SLC47A1: variants seen among roughly 807,000 people sequenced by gnomAD.
The protein encoded by SLC47A1 is solute carrier family 47 member 1.
SLC47A1 carries 58 observed loss-of-function variants against 65.8 expected under a neutral mutation model. The ratio of observed to expected loss-of-function variants is 0.88; its 90% CI spans 0.71 to 1.10. SLC47A1 has a LOEUF of 1.10. Ranked by LOEUF, SLC47A1 falls within the 50% of genes least tolerant of loss-of-function variation. SLC47A1 has a pLI of 0.00. For synonymous variants in SLC47A1, 285 were observed against 295.0 expected, an observed-to-expected ratio of 0.97 and a Z score of 0.35; for missense variants, 706 against 719.2, an observed-to-expected ratio of 0.98 and a Z score of 0.21.
intron 10 of SLC47A1, among the ~76,000 whole-genome samples, chr17:19,558,470 A>AT (rs112762519): frequency 7.4e-4 from 106 of 144,112 alleles, no homozygotes; most frequent in African/African-American, 1.3e-3. Context: ...TATTTTACTT[A>AT]TTTTTTTTTT....
chr17:19,556,719 C>T (rs1916625271), intron 10 of SLC47A1, among the ~76,000 whole-genome samples: 1 of 152,040 alleles, frequency 6.6e-6, no homozygotes, highest in Non-Finnish European at 1.5e-5. Flanking sequence ...CCACCACGCC[C>T]AGCTAATTTT....
intron 2 of SLC47A1, among the ~76,000 whole-genome samples, chr17:19,544,794 A>G (rs1280795578): frequency 6.6e-6 from 1 of 152,192 alleles, no homozygotes; most frequent in Non-Finnish European, 1.5e-5. Flanking sequence ...TGACTTTTTA[A>G]AAGAGAAAGC....
At chr17:19,546,365 T>C in intron 2 of SLC47A1, 70 bp from the exon 3 acceptor site, 9 of 1,493,648 alleles carry the variant, frequency 6.0e-6, no homozygotes, top group Non-Finnish European at 8.3e-6. Flanking sequence ...CTCTTATCAA[T>C]ACACACAGGG....
intron 2 of SLC47A1, among the ~76,000 whole-genome samples, chr17:19,545,478 C>T (rs1916262385): frequency 1.3e-5 from 2 of 151,762 alleles, no homozygotes; most frequent in African/African-American, 4.8e-5. Flanking sequence ...AGGCGTGAGC[C>T]ACTATGCTCG....
intron 1 of SLC47A1, among the ~76,000 whole-genome samples, chr17:19,536,403 TG>T (rs1470266598): frequency 3.9e-5 from 6 of 152,140 alleles, no homozygotes; most frequent in African/African-American, 1.4e-4. Flanking sequence ...CTTTTCTCTT[TG>T]TATGTACATA....
intron 12 of SLC47A1, among the ~76,000 whole-genome samples, chr17:19,561,560 G>A (rs989666570): frequency 2.0e-5 from 3 of 150,122 alleles, no homozygotes; most frequent in East Asian, 2.0e-4. Flanking sequence ...GGAGAATGGC[G>A]TGAACCCGGG....
In SLC47A1 at chr17:19,560,264, G is replaced by A. The variant is rs758044735; in HGVS notation, c.998G>A (p.Arg333Gln). 14 of 1,613,836 alleles carry A rather than the reference G, an allele frequency of 8.7e-6. No homozygotes were observed. The highest frequency in any genetic ancestry group is 2.2e-5 in the South Asian group (2 of 91,020). The change falls in exon 11 of 17, where the codon CGG becomes CAG. Residue 333 changes from arginine (R) to glutamine (Q), a missense_variant. Physicochemically the swap from Arg to Gln is conservative, Grantham distance 43. Transcript: ENST00000270570. ...GGTGCTGGAGACATGGAGCAGGCACGGAAGTCCTCTACCGTTTCCCTGCTG... is the reference window on the plus strand; with the variant it reads ...GGTGCTGGAGACATGGAGCAGGCACAGAAGTCCTCTACCGTTTCCCTGCTG... ...ALGAGDMEQA[R>Q]KSSTVSLLIT... is the part of the protein sequence containing the mutation.
chr17:19,565,577 CTTTTTT>C (rs11362429), intron 12 of SLC47A1, among the ~76,000 whole-genome samples: 1 of 95,548 alleles, frequency 1.0e-5, no homozygotes, highest in African/African-American at 4.2e-5. Flanking sequence ...GTCTGAAAAT[CTTTTTT>C]TTTTTTTTTT....
At chr17:19,548,604 A>G (rs1320634818) in intron 4 of SLC47A1, among the ~76,000 whole-genome samples, 2 of 151,226 alleles carry the variant, frequency 1.3e-5, no homozygotes, top group Non-Finnish European at 2.9e-5. Flanking sequence ...GGTTCAAGCA[A>G]TTCTCCTGCC....
chr17:19,547,255 G>C (rs904253307), intron 3 of SLC47A1, among the ~76,000 whole-genome samples: 3 of 151,916 alleles, frequency 2.0e-5, no homozygotes, highest in Non-Finnish European at 4.4e-5. Context: ...TGTTGCACAG[G>C]CTGGTCTCGA....
chr17:19,569,239 G>C (rs746449915), intron 14 of SLC47A1, among the ~76,000 whole-genome samples: 7 of 151,936 alleles, frequency 4.6e-5, no homozygotes, highest in Non-Finnish European at 8.8e-5. Context: ...AGGTGTGGTG[G>C]TGTGCGCCTG....
At position 19,567,108 on chromosome 17, in the gene SLC47A1, G is replaced by A. The variant is rs764961748; in HGVS notation, c.1189G>A (p.Gly397Ser). ...TCTCTGCCTGCAGTGCACGAGTGGT[G>A]GTGTTCTGAGGGGGAGTGGAAATCA... ...LFEALACTSG[G>S]VLRGSGNQKV... The change falls in exon 14 of 17, where the codon GGT (glycine) becomes AGT (serine). Residue 397 changes from glycine (G) to serine (S), a missense_variant. Physicochemically the swap from Gly to Ser is moderately conservative, Grantham distance 56 (BLOSUM62 0). Coordinates refer to ENST00000270570, the MANE Select transcript of SLC47A1 (RefSeq NM_018242.3). 3.1e-6 allele frequency: 5 copies of A among 1,614,032 alleles called. No individual in the cohort carries two copies. Among genetic ancestry groups the A allele is most frequent in the Non-Finnish European group, 4.2e-6 (5 of 1,180,028 alleles).
At chr17:19,567,339 C>T (rs2152316757) in intron 14 of SLC47A1, 111 bp downstream of exon 14, 1 of 1,469,018 alleles carries the variant, frequency 6.8e-7, no homozygotes, top group South Asian at 1.2e-5. Flanking sequence ...GGGAGCTCGC[C>T]CACGTCCATT....
chr17:19,551,502 A>G (rs1916447183), intron 6 of SLC47A1, 34 bp downstream of exon 6: 2 of 1,590,790 alleles, frequency 1.3e-6, no homozygotes, highest in South Asian at 2.2e-5. Flanking sequence ...TTGGGAGGCT[A>G]ATGGGAGTTT....
intron 1 of SLC47A1, among the ~76,000 whole-genome samples, chr17:19,536,632 G>T (rs1915995205): frequency 6.6e-6 from 1 of 152,134 alleles, no homozygotes; most frequent in Non-Finnish European, 1.5e-5. Flanking sequence ...AAGTGTATGT[G>T]GACCGGCCTG....
intron 15 of SLC47A1, 146 bp from the exon 16 acceptor site, chr17:19,572,634 T>C: frequency 1.4e-6 from 1 of 712,084 alleles, no homozygotes; most frequent in Non-Finnish European, 2.5e-6. Context: ...TTTCAATCTT[T>C]ATGAAAGATG....
At position 19,551,365 on chromosome 17, in the gene SLC47A1, C is replaced by A. The variant is rs532617144; in HGVS notation, c.499-59C>A. On this transcript the variant is annotated intron_variant, in intron 5 of 16. Transcript: ENST00000270570. ...TGGCTCCTAGCTCCCTGCCGTGTGA[C>A]CTCACTTCTGTGTGGCAAGGCTGAA... 4 of 1,451,526 alleles carry A rather than the reference C, an allele frequency of 2.8e-6. No individual in the cohort carries two copies. In the African/African-American group the frequency reaches 4.2e-5, roughly 15 times the overall value. 89.9% of individuals were successfully genotyped at this position (1,451,526 alleles called of 1,614,324 possible).
intron 1 of SLC47A1, among the ~76,000 whole-genome samples, chr17:19,536,253 CAATAATAAT>C (rs5819675): frequency 2.1e-4 from 30 of 145,516 alleles, no homozygotes; most frequent in South Asian, 1.3e-3. Context: ...AATAGTATAG[CAATAATAAT>C]AATAATAATA....
chr17:19,561,213 G>A (rs1273922203), intron 12 of SLC47A1, among the ~76,000 whole-genome samples: 1 of 151,832 alleles, frequency 6.6e-6, no homozygotes, highest in African/African-American at 2.4e-5. Flanking sequence ...AGCCAAGATC[G>A]TGCCACTGCA....
Sources: allele counts gnomAD v4.1 joint callset (sites outside exome capture counted in the v4.1 genomes callset), GRCh38; gene constraint gnomAD v4.1.1; transcripts MANE v1.5; gene names NCBI Gene and HGNC (gene_info 2026-07-23, HGNC 2026-07-21).